Variants in RP1 observed in about 807,000 individuals in gnomAD.
The protein encoded by RP1 is RP1 axonemal microtubule associated, also known as oxygen-regulated protein 1.
Under a neutral mutation model 14.8 loss-of-function variants are expected in RP1, and 16 were observed. That is an observed-to-expected ratio of 1.08 (90% CI 0.73 to 1.65). The LOEUF (loss-of-function observed/expected upper bound fraction) is 1.65. Ranked by LOEUF, RP1 falls within the 40% of genes most tolerant of loss-of-function variation. The pLI, the probability that RP1 is intolerant of heterozygous loss-of-function variation, is 0.00. For synonymous variants in RP1, 876 were observed against 883.6 expected, an observed-to-expected ratio of 0.99 and a Z score of 0.15; for missense variants, 2,631 against 2,535.0, an observed-to-expected ratio of 1.04 and a Z score of -0.81.
chr8:54,719,287 A>G (rs1374549613), intron 15 of RP1, among the ~76,000 whole-genome samples: 1 of 152,198 alleles, frequency 6.6e-6, no homozygotes, highest in Non-Finnish European at 1.5e-5. Context: ...GCAAGGCCAG[A>G]ATCTTATTGA....
At chr8:54,687,935 A>G (rs1479716576) in intron 12 of RP1, among the ~76,000 whole-genome samples, 1 of 152,198 alleles carries the variant, frequency 6.6e-6, no homozygotes, top group South Asian at 2.1e-4. Flanking sequence ...CCAACAGTGT[A>G]AAAGCGTTCC....
At chr8:54,607,147 GCT>G (rs1805467760) in intron 1 of RP1, among the ~76,000 whole-genome samples, 1 of 152,102 alleles carries the variant, frequency 6.6e-6, no homozygotes, top group Non-Finnish European at 1.5e-5. Context: ...CAGTTTTTCT[GCT>G]CTGTTTTTTC....
chr8:54,847,167 A>C (rs180853152), intron 25 of RP1, among the ~76,000 whole-genome samples: 55 of 152,246 alleles, frequency 3.6e-4, no homozygotes, highest in Non-Finnish European at 6.8e-4. Context: ...AGGGAGATAG[A>C]AAAGGGAATT....
chr8:54,784,294 T>G (rs934192813), intron 24 of RP1, among the ~76,000 whole-genome samples: 5 of 152,172 alleles, frequency 3.3e-5, no homozygotes, highest in Non-Finnish European at 5.9e-5. Context: ...TAATCCTCAA[T>G]GTAGTATCTG....
intron 1 of RP1, among the ~76,000 whole-genome samples, chr8:54,595,678 C>T (rs1805127895): frequency 6.6e-6 from 1 of 152,162 alleles, no homozygotes; most frequent in Non-Finnish European, 1.5e-5. Flanking sequence ...AGAGTCTACT[C>T]GCCTGATTAT....
intron 24 of RP1, among the ~76,000 whole-genome samples, chr8:54,827,405 C>T (rs1038183242): frequency 1.3e-5 from 2 of 151,802 alleles, no homozygotes; most frequent in African/African-American, 4.8e-5. Flanking sequence ...TGACTTACTG[C>T]AGCCTCCACC....
chr8:54,759,406 G>A (rs1396525340), intron 22 of RP1, among the ~76,000 whole-genome samples: 1 of 152,132 alleles, frequency 6.6e-6, no homozygotes, highest in Non-Finnish European at 1.5e-5. Context: ...TACTAAAATT[G>A]TAGTGTTACA....
At chr8:54,729,782 C>T (rs189721530) in intron 17 of RP1, among the ~76,000 whole-genome samples, 22 of 151,820 alleles carry the variant, frequency 1.4e-4, no homozygotes, top group Non-Finnish European at 2.4e-4. Flanking sequence ...ATTTTGTTGA[C>T]GTAGCATAAC....
At chr8:54,759,666 G>A (rs1487563282) in intron 22 of RP1, among the ~76,000 whole-genome samples, 2 of 152,098 alleles carry the variant, frequency 1.3e-5, no homozygotes, top group Admixed American at 1.3e-4. Flanking sequence ...GCTTAAGAAA[G>A]TGTCACCTGT....
intron 24 of RP1, among the ~76,000 whole-genome samples, chr8:54,808,299 C>T (rs914383780): frequency 5.9e-5 from 9 of 152,212 alleles, no homozygotes; most frequent in Admixed American, 3.9e-4. Flanking sequence ...GACTTCCCCG[C>T]GGCTCTGCAC....
At chr8:54,734,807 A>AGT (rs112017805) in intron 18 of RP1, 94,801 of 1,193,820 alleles carry the variant, frequency 0.079, 1,741 homozygotes, top group Non-Finnish European at 0.085. Flanking sequence ...GTAATGTAGA[A>AGT]GTGTGTGTGT....
chr8:54,654,996 A>G (rs989760150), intron 5 of RP1, among the ~76,000 whole-genome samples: 2 of 152,142 alleles, frequency 1.3e-5, no homozygotes, highest in Non-Finnish European at 2.9e-5. Context: ...GAAGTTGAAA[A>G]TCTCTGATTT....
chr8:54,849,136 C>A (rs983248084), intron 25 of RP1, among the ~76,000 whole-genome samples: 1 of 152,056 alleles, frequency 6.6e-6, no homozygotes, highest in Non-Finnish European at 1.5e-5. Flanking sequence ...TTGGGTGTGG[C>A]AAGGCTGTCC....
intron 3 of RP1, among the ~76,000 whole-genome samples, chr8:54,642,340 T>C (rs1327609943): frequency 2.0e-5 from 3 of 152,162 alleles, no homozygotes; most frequent in Admixed American, 2.0e-4. Context: ...GTAAAAGTTA[T>C]ATAGCATGTA....
chr8:54,870,187 C>A, exon 29 of RP1: 1 of 336,824 alleles, frequency 3.0e-6, no homozygotes. Flanking sequence ...CACCTCCTCC[C>A]CCTCCTCTTC....
chr8:54,598,135 T>G (rs910307877), intron 1 of RP1, among the ~76,000 whole-genome samples: 1 of 152,200 alleles, frequency 6.6e-6, no homozygotes, highest in African/African-American at 2.4e-5. Flanking sequence ...TACCAATAAT[T>G]TAACGTAATT....
At chr8:54,779,581 G>C (rs1301249124) in intron 23 of RP1, among the ~76,000 whole-genome samples, 1 of 151,996 alleles carries the variant, frequency 6.6e-6, no homozygotes, top group Non-Finnish European at 1.5e-5. Flanking sequence ...CACAGAATAA[G>C]GTAAAGAAAA....
At chr8:54,606,655 C>T (rs201252519) in intron 1 of RP1, among the ~76,000 whole-genome samples, 1 of 152,162 alleles carries the variant, frequency 6.6e-6, no homozygotes, top group Non-Finnish European at 1.5e-5. Context: ...CTTGGTTGCA[C>T]TCTCCTCATC....
chr8:54,754,857 T>A, exon 20 of RP1: 14 of 1,528,742 alleles, frequency 9.2e-6, no homozygotes, highest in Non-Finnish European at 1.2e-5. Context: ...AGCAAACGTA[T>A]GGCTGTCTCG....
Sources: gnomAD v4.1 joint callset for allele counts (sites outside exome capture counted in the v4.1 genomes callset) on GRCh38, gnomAD v4.1.1 for gene constraint, MANE v1.5 for transcripts, NCBI Gene and HGNC (gene_info 2026-07-23, HGNC 2026-07-21) for gene names.